The following TAOK1 variants were observed in gnomAD, a reference collection of about 807,000 sequenced individuals.
TAOK1 encodes the protein TAO kinase 1.
Under a neutral mutation model 138.3 loss-of-function variants are expected in TAOK1, and 21 were observed. The observed-to-expected ratio is 0.15, with a 90% confidence interval of 0.11 to 0.22. The LOEUF (loss-of-function observed/expected upper bound fraction) is 0.22, where lower values mean the gene tolerates loss of function less well. Among genes scored for constraint, TAOK1 ranks in the 10% least tolerant of loss-of-function variants. The pLI is 1.00. For missense variants in TAOK1, 651 were observed against 1,227.7 expected (o/e 0.53, Z 7.02); for synonymous variants, 361 against 398.4 (o/e 0.91, Z 1.12).
intron 13 of TAOK1, among the ~76,000 whole-genome samples, chr17:29,506,899 G>C: frequency 6.6e-6 from 1 of 152,142 alleles, no homozygotes; most frequent in East Asian, 1.9e-4. Context: ...TATATGTACA[G>C]TGGAATTTTA....
intron 1 of TAOK1, among the ~76,000 whole-genome samples, chr17:29,408,142 C>G (rs1363966033): frequency 1.3e-5 from 2 of 152,084 alleles, no homozygotes; most frequent in Non-Finnish European, 2.9e-5. Flanking sequence ...GTCTCAAACT[C>G]CTGAGCTCAA....
intron 8 of TAOK1, among the ~76,000 whole-genome samples, chr17:29,484,031 A>G (rs964671307): frequency 2.0e-5 from 3 of 152,166 alleles, no homozygotes; most frequent in African/African-American, 4.8e-5. Context: ...TTTCATTGAT[A>G]TATTTTAAGA....
rs199906398 is a variant in TAOK1 at position 29,482,160 on chromosome 17, A to G, written c.564-37A>G. 2,593 of 1,503,944 alleles carry G rather than the reference A, an allele frequency of 1.7e-3. 9 individuals carry two copies. Among genetic ancestry groups the G allele is most frequent in the Non-Finnish European group, 1.7e-3 (1,858 of 1,092,138 alleles). The allele number at this position is 1,503,944 out of a possible 1,614,324, so 93.2% of individuals were successfully genotyped here. On this transcript the variant is annotated intron_variant, in intron 7 of 19. Coordinates refer to ENST00000261716, the MANE Select transcript of TAOK1 (RefSeq NM_020791.4). ...TTCTCAAAGGATAGAATACTTTTTAAAAAAAATCTTTAATTTAAATTAACG... is the reference window on the plus strand; with the variant it reads ...TTCTCAAAGGATAGAATACTTTTTAGAAAAAATCTTTAATTTAAATTAACG...
intron 2 of TAOK1, among the ~76,000 whole-genome samples, chr17:29,453,599 CAG>C (rs1299445747): frequency 1.4e-5 from 2 of 146,700 alleles, no homozygotes; most frequent in African/African-American, 2.5e-5. Context: ...TGTTTTGAGA[CAG>C]AGCGTCGCTC....
Position 29,547,668 on chromosome 17 carries a change from T to A in TAOK1, c.*4646T>A, listed in dbSNP as rs575950625. ...AAGAGCAATGTCAAAACTTGGGCTG[T>A]CATCTTTGAGCTGTTTACCAAAATA... On this transcript the variant is annotated 3_prime_UTR_variant, in exon 20 of 20. Transcript: ENST00000261716. 24 of 152,154 alleles carry A rather than the reference T, an allele frequency of 1.6e-4. No individual in the cohort carries two copies. The highest frequency in any genetic ancestry group is 3.1e-4 in the Non-Finnish European group (21 of 67,992). 9.4% of individuals were successfully genotyped at this position (152,154 alleles called of 1,614,324 possible). A position where few individuals can be genotyped will look rare whatever the true frequency, so the allele number is the denominator to read the frequency against.
At chr17:29,504,554 C>T (rs571069579) in intron 13 of TAOK1, among the ~76,000 whole-genome samples, 14 of 151,944 alleles carry the variant, frequency 9.2e-5, no homozygotes, top group Admixed American at 2.6e-4. Flanking sequence ...CCTGTAATCC[C>T]GGCTACTTGG....
chr17:29,397,976 T>G (rs1359396824), intron 1 of TAOK1, among the ~76,000 whole-genome samples: 2 of 152,050 alleles, frequency 1.3e-5, no homozygotes, highest in African/African-American at 2.4e-5. Flanking sequence ...AGCCTCTACC[T>G]TCAGGGCCGA....
At chr17:29,406,645 C>T (rs768586047) in intron 1 of TAOK1, among the ~76,000 whole-genome samples, 4 of 152,136 alleles carry the variant, frequency 2.6e-5, no homozygotes, top group Non-Finnish European at 4.4e-5. Context: ...AGTCCTCCCA[C>T]CTCAGGTTCC....
intron 1 of TAOK1, among the ~76,000 whole-genome samples, chr17:29,421,599 T>C (rs1905446521): frequency 6.6e-6 from 1 of 152,196 alleles, no homozygotes; most frequent in African/African-American, 2.4e-5. Context: ...GTGGAAACAG[T>C]AAGTTAGGTT....
At chr17:29,407,121 C>T (rs970995284) in intron 1 of TAOK1, among the ~76,000 whole-genome samples, 1 of 152,038 alleles carries the variant, frequency 6.6e-6, no homozygotes, top group Admixed American at 6.6e-5. Context: ...CTCAAGTGAT[C>T]TTCCCATCTT....
intron 3 of TAOK1, 64 bp downstream of exon 3, chr17:29,467,280 CTT>C (rs930652260): frequency 3.0e-4 from 269 of 886,756 alleles, no homozygotes; most frequent in South Asian, 5.2e-4. Flanking sequence ...TATATACATT[CTT>C]TTTTTTTTTG....
chr17:29,490,802 G>A (rs756491538), intron 9 of TAOK1, among the ~76,000 whole-genome samples: 4 of 152,156 alleles, frequency 2.6e-5, no homozygotes, highest in Non-Finnish European at 5.9e-5. Context: ...TGGCAGGTTA[G>A]GACCTGGTCC....
In TAOK1 at chr17:29,530,260, A is replaced by C; in HGVS notation, c.2149-147A>C. 5 of 687,832 alleles carry C rather than the reference A, an allele frequency of 7.3e-6. No individual in the cohort carries two copies. In the East Asian group the frequency reaches 1.4e-4, roughly 19 times the overall value. 42.6% of individuals were successfully genotyped at this position (687,832 alleles called of 1,614,324 possible). A position where few individuals can be genotyped will look rare whatever the true frequency, so the allele number is the denominator to read the frequency against. ...GCAGTTTGGCCAAATAGCCAAGTGC[A>C]AAAAGTACCTGCAACCTGATGATCT... On this transcript the variant is annotated intron_variant, in intron 17 of 19. Transcript: ENST00000261716.
At chr17:29,488,041 A>C (rs1367631167) in intron 8 of TAOK1, among the ~76,000 whole-genome samples, 1 of 152,200 alleles carries the variant, frequency 6.6e-6, no homozygotes, top group Non-Finnish European at 1.5e-5. Flanking sequence ...ATAATAGGAA[A>C]TGTCAGAAAA....
intron 1 of TAOK1, among the ~76,000 whole-genome samples, chr17:29,446,892 C>T (rs1208849104): frequency 2.6e-5 from 4 of 151,920 alleles, no homozygotes; most frequent in Non-Finnish European, 5.9e-5. Flanking sequence ...GCGTGCACCA[C>T]TATGTCCATC....
chr17:29,449,689 A>C (rs1273366055), intron 1 of TAOK1, among the ~76,000 whole-genome samples: 1 of 152,024 alleles, frequency 6.6e-6, no homozygotes. Context: ...AAAAATACAA[A>C]AATTAGCCGG....
intron 2 of TAOK1, among the ~76,000 whole-genome samples, chr17:29,453,663 G>A (rs1598487196): frequency 1.3e-5 from 2 of 151,888 alleles, no homozygotes; most frequent in African/African-American, 2.4e-5. Context: ...TGCAACCTCC[G>A]CCTCCCGGGT....
intron 19 of TAOK1, among the ~76,000 whole-genome samples, chr17:29,539,368 ACCT>A (rs1331973156): frequency 1.3e-5 from 2 of 151,954 alleles, no homozygotes; most frequent in East Asian, 1.9e-4. Flanking sequence ...ACATGGTGAA[ACCT>A]CCTCTCTACC....
At chr17:29,482,429 T>C in intron 8 of TAOK1, 141 bp downstream of exon 8, 3 of 662,576 alleles carry the variant, frequency 4.5e-6, no homozygotes, top group Non-Finnish European at 7.6e-6. Flanking sequence ...AGGTTTTCAC[T>C]TTGGTTATTT....
Sources: allele counts gnomAD v4.1 joint callset (sites outside exome capture counted in the v4.1 genomes callset), GRCh38; gene constraint gnomAD v4.1.1; transcripts MANE v1.5; gene names NCBI Gene and HGNC (gene_info 2026-07-23, HGNC 2026-07-21).